GALNT12: variants seen among roughly 807,000 people sequenced by gnomAD.
The protein encoded by GALNT12 is UDP-GalNAc:polypeptide N-acetylgalactosaminyltransferase 12.
GALNT12 carries 45 observed loss-of-function variants against 55.5 expected under a neutral mutation model. That is an observed-to-expected ratio of 0.81 (90% CI 0.64 to 1.04). The LOEUF is 1.04. GALNT12 is among the 50% of genes least tolerant of loss of function. The pLI is 0.00. For synonymous variants in GALNT12, 304 were observed against 312.2 expected (o/e 0.97, Z 0.28); for missense variants, 709 against 754.8 (o/e 0.94, Z 0.71).
At chr9:98,833,322 CTT>C (rs1318752725) in intron 4 of GALNT12, among the ~76,000 whole-genome samples, 9 of 152,156 alleles carry the variant, frequency 5.9e-5, no homozygotes, top group African/African-American at 2.2e-4. Flanking sequence ...CTTCTGAATT[CTT>C]TCACCAGAGT....
intron 1 of GALNT12, among the ~76,000 whole-genome samples, chr9:98,817,048 G>C (rs1835628612): frequency 6.6e-6 from 1 of 152,038 alleles, no homozygotes; most frequent in Non-Finnish European, 1.5e-5. Flanking sequence ...GGATGGTCTT[G>C]ATCTCCTGAC....
In GALNT12 at chr9:98,838,008, C is replaced by T. The variant is rs548706424; in HGVS notation, c.1212+860C>T. 2.0e-5 allele frequency among the ~76,000 whole-genome samples: 3 copies of T among 152,278 alleles called. No individual in the cohort carries two copies. In the South Asian group the frequency reaches 6.2e-4, roughly 32 times the overall value. ...CTGGTGTCACAGGCCAGGCATTGTCCATGTGTTTTGGTTTTCCTCTTTGTA... is the reference window on the plus strand; with the variant it reads ...CTGGTGTCACAGGCCAGGCATTGTCTATGTGTTTTGGTTTTCCTCTTTGTA... On this transcript the variant is annotated intron_variant, in intron 6 of 9. Coordinates refer to ENST00000375011, the MANE Select transcript of GALNT12 (RefSeq NM_024642.5).
At chr9:98,844,841 A>C (rs1483050837) in intron 8 of GALNT12, among the ~76,000 whole-genome samples, 3 of 152,134 alleles carry the variant, frequency 2.0e-5, no homozygotes, top group Non-Finnish European at 4.4e-5. Context: ...TGAAGACCAG[A>C]AAAGGACCCC....
chr9:98,833,546 G>T (rs922439615), intron 4 of GALNT12, among the ~76,000 whole-genome samples: 1 of 152,200 alleles, frequency 6.6e-6, no homozygotes, highest in Non-Finnish European at 1.5e-5. Context: ...TGTAGGCAGG[G>T]ATACCATTAG....
At chr9:98,827,040 T>A (rs780470926) in intron 3 of GALNT12, 99 bp downstream of exon 3, 37 of 1,243,872 alleles carry the variant, frequency 3.0e-5, no homozygotes, top group Non-Finnish European at 4.0e-5. Context: ...ACGGGTTGCC[T>A]GGGCTCAGCT....
At position 98,823,410 on chromosome 9, in the gene GALNT12, G is replaced by T; in HGVS notation, c.526G>T (p.Asp176Tyr). 6.2e-7 allele frequency: 1 copy of T among 1,614,140 alleles called. No individual in the cohort carries two copies. Among genetic ancestry groups the T allele is most frequent in the South Asian group, 1.1e-5 (1 of 91,068 alleles). Reference sequence around the variant, plus strand: ...GCTAGAAGAAGTGATCCTTGTAGATGACTACAGTGATAGAGGTGAGTCCCG... The same window carrying T: ...GCTAGAAGAAGTGATCCTTGTAGATTACTACAGTGATAGAGGTGAGTCCCG... ...ILLEEVILVD[D>Y]YSDREHLKER... is the part of the protein sequence containing the mutation. Residue 176 changes from aspartate to tyrosine, a missense_variant, in exon 2 of 10, where the codon GAC (aspartate) becomes TAC (tyrosine). By Grantham distance (160) the Asp-to-Tyr change is radical. Coordinates refer to ENST00000375011, the MANE Select transcript of GALNT12 (RefSeq NM_024642.5).
intron 3 of GALNT12, among the ~76,000 whole-genome samples, chr9:98,829,830 C>A (rs1835951543): frequency 6.6e-6 from 1 of 152,190 alleles, no homozygotes; most frequent in African/African-American, 2.4e-5. Flanking sequence ...GAATAGTACT[C>A]TATTGTGAGT....
chr9:98,837,826 A>G (rs1836191816), intron 6 of GALNT12, among the ~76,000 whole-genome samples: 2 of 152,218 alleles, frequency 1.3e-5, no homozygotes, highest in Non-Finnish European at 2.9e-5. Flanking sequence ...TGGGCAACTC[A>G]AATTTTTTGT....
At position 98,807,723 on chromosome 9, in the gene GALNT12, C is replaced by T. The variant is rs889395877; in HGVS notation, c.25C>T (p.Arg9Cys). The T allele has an allele frequency of 8.5e-7, 1 of 1,179,834 alleles. No homozygotes were observed. 73.1% of individuals were successfully genotyped at this position (1,179,834 alleles called of 1,614,324 possible). ...CATGTGGGGGCGCACGGCGCGGCGG[C>T]GCTGCCCGCGGGAACTGCGGCGCGG... Reference protein sequence around the residue: MWGRTARRRCPRELRRGRE... With the variant: MWGRTARRCCPRELRRGRE... The change falls in exon 1 of 10, where the codon CGC becomes TGC. Residue 9 changes from arginine to cysteine, a missense_variant. This residue lies in a region of GALNT12 where 110 missense variants were observed against 102.2 expected (regional missense o/e 1.08). Transcript: ENST00000375011.
At chr9:98,827,665 G>A (rs1835890321) in intron 3 of GALNT12, among the ~76,000 whole-genome samples, 1 of 152,086 alleles carries the variant, frequency 6.6e-6, no homozygotes, top group Non-Finnish European at 1.5e-5. Flanking sequence ...GAAACTGGAA[G>A]GAACCCAGAT....
At chr9:98,847,826 T>C (rs1308347384) in intron 9 of GALNT12, among the ~76,000 whole-genome samples, 5 of 149,584 alleles carry the variant, frequency 3.3e-5, no homozygotes, top group Non-Finnish European at 7.4e-5. Context: ...TTTTTTTTTT[T>C]TTTTTTTGAG....
rs1835474472 is a variant in GALNT12 at position 98,810,579 on chromosome 9, C to G, written c.371+2510C>G. Among the ~76,000 whole-genome samples, 4 of 152,194 alleles carry G rather than the reference C, an allele frequency of 2.6e-5. No homozygotes were observed. In the South Asian group the frequency reaches 8.3e-4, roughly 32 times the overall value. ...ACTTTTAATGAAAGTCTTTACTCTG[C>G]AGTGCCTTTTATCAGAGGAAAGGAG... On this transcript the variant is annotated intron_variant, in intron 1 of 9. Coordinates refer to ENST00000375011, the MANE Select transcript of GALNT12 (RefSeq NM_024642.5).
chr9:98,844,773 G>T (rs972610899), intron 8 of GALNT12, among the ~76,000 whole-genome samples: 3 of 152,132 alleles, frequency 2.0e-5, no homozygotes, highest in Admixed American at 2.0e-4. Context: ...AGGTGTATCT[G>T]TCTGGGTGAA....
rs988258333 is a variant in GALNT12 at position 98,848,762 on chromosome 9, G to T, written c.1606-190G>T. ...CATCGGTCCTGTGAGAGGCAAGCGG[G>T]ACGCAGCCTGTACAAGCCTGGTGCT... On this transcript the variant is annotated intron_variant, in intron 9 of 9. Coordinates refer to ENST00000375011, the MANE Select transcript of GALNT12 (RefSeq NM_024642.5). 1.5e-5 allele frequency: 10 copies of T among 671,970 alleles called. No individual in the cohort carries two copies. In the African/African-American group the frequency reaches 1.6e-4, roughly 11 times the overall value. 41.6% of individuals were successfully genotyped at this position (671,970 alleles called of 1,614,324 possible). A position where few individuals can be genotyped will look rare whatever the true frequency, so the allele number is the denominator to read the frequency against.
intron 2 of GALNT12, among the ~76,000 whole-genome samples, chr9:98,825,369 A>G (rs537889285): frequency 1.3e-5 from 2 of 152,292 alleles, no homozygotes; most frequent in African/African-American, 4.8e-5. Context: ...CCTTCCTGTC[A>G]TTGTGGGAAC....
chr9:98,815,587 GA>G (rs1835592997), intron 1 of GALNT12, among the ~76,000 whole-genome samples: 1 of 152,218 alleles, frequency 6.6e-6, no homozygotes, highest in Non-Finnish European at 1.5e-5. Context: ...AAGAAAAAGA[GA>G]AAGGGCAGAG....
chr9:98,838,753 C>T (rs1836216310), intron 6 of GALNT12, among the ~76,000 whole-genome samples: 1 of 152,222 alleles, frequency 6.6e-6, no homozygotes, highest in Admixed American at 6.5e-5. Context: ...AGGTCTTGCT[C>T]TAAGGCTTCT....
intron 6 of GALNT12, among the ~76,000 whole-genome samples, chr9:98,838,195 G>T (rs1836199253): frequency 6.6e-6 from 1 of 152,202 alleles, no homozygotes; most frequent in Admixed American, 6.5e-5. Flanking sequence ...CTAAAACAGG[G>T]AGTCTGTTCT....
intron 1 of GALNT12, among the ~76,000 whole-genome samples, chr9:98,821,380 G>A (rs1411065169): frequency 1.3e-5 from 2 of 151,962 alleles, no homozygotes. Context: ...CCAGCACTTT[G>A]GGAGGCCGAG....
Sources: allele counts gnomAD v4.1 joint callset (sites outside exome capture counted in the v4.1 genomes callset), GRCh38; gene constraint gnomAD v4.1.1; regional missense constraint gnomAD v4.1.1; transcripts MANE v1.5; gene names NCBI Gene and HGNC (gene_info 2026-07-23, HGNC 2026-07-21).